The following TGM1 variants were observed in gnomAD, a reference collection of about 807,000 sequenced individuals.
TGM1 encodes the protein transglutaminase 1.
TGM1 carries 63 observed loss-of-function variants against 88.7 expected under a neutral mutation model. The observed-to-expected ratio is 0.71, with a 90% CI of 0.58 to 0.88. The LOEUF is 0.88. TGM1 is among the 40% of genes least tolerant of loss of function. The probability of loss-of-function intolerance (pLI) is 0.00; values close to 1 mark genes in which losing one functional copy is unlikely to be tolerated. For missense variants in TGM1, 996 were observed against 1,118.0 expected (o/e 0.89, Z 1.56); for synonymous variants, 415 against 431.1 (o/e 0.96, Z 0.46).
At chr14:24,250,566 C>G (rs771108011) in intron 14 of TGM1, among the ~76,000 whole-genome samples, 14 of 152,168 alleles carry the variant, frequency 9.2e-5, no homozygotes, top group Non-Finnish European at 1.9e-4. Flanking sequence ...CACAGTCATG[C>G]TTTGCAGTCT....
In TGM1 at chr14:24,256,042, T is replaced by C; in HGVS notation, c.1438A>G (p.Ile480Val). The change falls in exon 10 of 15, where the codon ATC becomes GTC. Residue 480 changes from isoleucine to valine, a missense_variant. Transcript: ENST00000206765. ...TTCATGTAGACCAGGCCATTCTTGATGGACTCCACAGAGCAGGGGCCGCAG... is the reference window on the plus strand; with the variant it reads ...TTCATGTAGACCAGGCCATTCTTGACGGACTCCACAGAGCAGGGGCCGCAG... ...FCCGPCSVES[I>V]KNGLVYMKYD... 1.3e-6 allele frequency: 2 copies of C among 1,571,348 alleles called. No homozygotes were observed. The highest frequency in any genetic ancestry group is 2.3e-5 in the East Asian group (1 of 42,850).
At chr14:24,253,146 CAG>C (rs2040715194) in intron 14 of TGM1, among the ~76,000 whole-genome samples, 1 of 152,232 alleles carries the variant, frequency 6.6e-6, no homozygotes, top group African/African-American at 2.4e-5. Flanking sequence ...GTGGGAAGAG[CAG>C]AGTTTGCCCC....
chr14:24,250,933 G>T (rs913957509), intron 14 of TGM1, among the ~76,000 whole-genome samples: 8 of 152,188 alleles, frequency 5.3e-5, no homozygotes, highest in African/African-American at 1.9e-4. Context: ...CTAAGAGAAT[G>T]AGCCAACATC....
In TGM1 at chr14:24,256,062, C is replaced by A. The variant is rs535121937; in HGVS notation, c.1418G>T (p.Gly473Val). 1.9e-6 allele frequency: 3 copies of A among 1,567,596 alleles called. No homozygotes were observed. The African/African-American group carries it at 4.1e-5, about 21-fold the overall frequency. ...CTTGATGGACTCCACAGAGCAGGGG[C>A]CGCAGCAGAAGATGCCTAGAGAGTG... ...QETSSGIFCC[G>V]PCSVESIKNG... Residue 473 changes from glycine to valine, a missense_variant, in exon 10 of 15, where the codon GGC becomes GTC. Physicochemically the swap from Gly to Val is moderately radical, Grantham distance 109. Coordinates refer to ENST00000206765, the MANE Select transcript of TGM1 (RefSeq NM_000359.3).
At chr14:24,262,803 C>A (rs1310089201) in intron 1 of TGM1, among the ~76,000 whole-genome samples, 1 of 152,212 alleles carries the variant, frequency 6.6e-6, no homozygotes, top group East Asian at 1.9e-4. Context: ...AGCAGAAATC[C>A]CCCAACTCAA....
Position 24,260,642 on chromosome 14 carries a change from C to T in TGM1, c.565G>A (p.Gly189Ser). The change falls in exon 4 of 15, where the codon GGC becomes AGC. Residue 189 changes from glycine (G) to serine (S), a missense_variant. By Grantham distance (56) the Gly-to-Ser change is moderately conservative. Transcript: ENST00000206765. Reference sequence around the variant, plus strand: ...ACCTGGGCTTTCCAGCCTCCACTGCCCCCCTTGCCCACTGGGATGATCACG... The same window carrying T: ...ACCTGGGCTTTCCAGCCTCCACTGCTCCCCTTGCCCACTGGGATGATCACG... ...THVIIPVGKG[G>S]SGGWKAQVVK... 3 of 1,614,178 alleles carry T rather than the reference C, an allele frequency of 1.9e-6. No individual in the cohort carries two copies. The highest frequency in any genetic ancestry group is 8.5e-7 in the Non-Finnish European group (1 of 1,180,034).
rs369636498 is a variant in TGM1 at position 24,260,584 on chromosome 14, C to T, written c.623G>A (p.Arg208Gln). The T allele has an allele frequency of 2.7e-5, 43 of 1,614,212 alleles. No homozygotes were observed. Among genetic ancestry groups the T allele is most frequent in the South Asian group, 1.9e-4 (17 of 91,092 alleles). Reference protein sequence around the residue: ...VKASGQNLNLRVHTSPNAIIG... With the variant: ...VKASGQNLNLQVHTSPNAIIG... ...GATGGCGTTGGGGGAAGTGTGGACC[C>T]GCAGGTTCAGATTCTGCCCACTGGC... The change falls in exon 4 of 15, where the codon CGG (arginine) becomes CAG (glutamine). Residue 208 changes from arginine (R) to glutamine (Q), a missense_variant. By Grantham distance (43) the Arg-to-Gln change is conservative. Coordinates refer to ENST00000206765, the MANE Select transcript of TGM1 (RefSeq NM_000359.3).
intron 14 of TGM1, among the ~76,000 whole-genome samples, chr14:24,249,972 G>C (rs920431326): frequency 6.6e-6 from 1 of 152,148 alleles, no homozygotes; most frequent in African/African-American, 2.4e-5. Flanking sequence ...TTTCAGTTTT[G>C]ACAAGAGCAT....
chr14:24,255,239 G>C lies in TGM1; in HGVS notation c.1660C>G (p.Arg554Gly). 6.2e-7 allele frequency: 1 copy of C among 1,613,756 alleles called. No homozygotes were observed. Among genetic ancestry groups the C allele is most frequent in the South Asian group, 1.1e-5 (1 of 91,080 alleles). Residue 554 changes from arginine to glycine, a missense_variant, in exon 12 of 15, where the codon CGG (arginine) becomes GGG (glycine). Coordinates refer to ENST00000206765, the MANE Select transcript of TGM1 (RefSeq NM_000359.3). This position sits in a 1 kb window ranked among gnomAD's most constrained non-coding sequence, Gnocchi z 4.0. ...GCTGCTGCTGTCTCTACTGCCTTCC[G>C]CTCTGCGTCTGAGCCTGGGGGTTGA... ...YKHPEGSDAE[R>G]KAVETAAAHG...
intron 14 of TGM1, among the ~76,000 whole-genome samples, chr14:24,250,179 T>TGTGAGAGA (rs138497842): frequency 0.04 from 5,566 of 140,702 alleles, 251 homozygotes; most frequent in East Asian, 0.22. Context: ...TGTGTGTGTG[T>TGTGAGAGA]GAGAGAGACA....
rs995860531 is a variant in TGM1 at position 24,256,184 on chromosome 14, G to A, written c.1403-107C>T. 22 of 913,716 alleles carry A rather than the reference G, an allele frequency of 2.4e-5. 1 individual carries two copies. The highest frequency in any genetic ancestry group is 8.4e-5 in the South Asian group (6 of 71,094). 56.6% of individuals were successfully genotyped at this position (913,716 alleles called of 1,614,324 possible). A position where few individuals can be genotyped will look rare whatever the true frequency, so the allele number is the denominator to read the frequency against. On this transcript the variant is annotated intron_variant, in intron 9 of 14. Coordinates refer to ENST00000206765, the MANE Select transcript of TGM1 (RefSeq NM_000359.3). ...GCCCCAGCCCCACCCACTCAGGCCC[G>A]GTCCCACTGCCTGGTGGCCTCTGGA...
rs398122904 is a variant in TGM1, at chr14:24,249,489, G to A, written c.2278C>T (p.Arg760Ter). ...GCAATGAGCTGGCGGGGGCCTGGTC[G>A]CACAGGCACAAACGACTGGCGCAGT... ...VTLRQSFVPV[R>*]PGPRQLIASL... The change falls in exon 15 of 15, where the codon CGA becomes TGA. Residue 760 changes from arginine (R) to a stop codon, truncating the protein, a stop_gained. Coordinates refer to ENST00000206765, the MANE Select transcript of TGM1 (RefSeq NM_000359.3). LOFTEE classifies it high-confidence loss of function. The A allele has an allele frequency of 5.0e-6, 8 of 1,613,922 alleles. No individual in the cohort carries two copies. Among genetic ancestry groups the A allele is most frequent in the African/African-American group, 1.3e-5 (1 of 74,890 alleles).
chr14:24,259,309 G>A lies in TGM1; in HGVS notation c.985-60C>T. ...AGGAGGGGCTCAGGACCTGCCATGT[G>A]GTCCATGGGGACCAGCCGGGCCCCG... On this transcript the variant is annotated intron_variant, in intron 6 of 14. Transcript: ENST00000206765. The surrounding 1 kb of genome is among the most constrained non-coding windows in gnomAD (Gnocchi z 5.7). The A allele has an allele frequency of 1.3e-6, 2 of 1,527,606 alleles. No homozygotes were observed. The highest frequency in any genetic ancestry group is 2.3e-5 in the South Asian group (2 of 85,148). The allele number at this position is 1,527,606 out of a possible 1,614,324, so 94.6% of individuals were successfully genotyped here.
chr14:24,254,753 G>A lies in TGM1; in HGVS notation c.1999C>T (p.Leu667Phe), dbSNP rs778397528. 6.2e-7 allele frequency: 1 copy of A among 1,614,036 alleles called. No homozygotes were observed. Among genetic ancestry groups the A allele is most frequent in the South Asian group, 1.1e-5 (1 of 91,088 alleles). ...TCCTTGACGTGGCCTGAGACATTGA[G>A]CAGCATGGCCCCCTGGTCCACAAGA... ...PHLVDQGAML[L>F]NVSGHVKESG... Residue 667 changes from leucine to phenylalanine, a missense_variant, in exon 13 of 15, where the codon CTC becomes TTC. Leu to Phe is a conservative substitution (Grantham distance 22). Coordinates refer to ENST00000206765, the MANE Select transcript of TGM1 (RefSeq NM_000359.3).
rs565800724 is a variant in TGM1 at position 24,255,924 on chromosome 14, G to A, written c.1491+65C>T. 5.8e-5 allele frequency: 78 copies of A among 1,338,710 alleles called. No individual in the cohort carries two copies. The highest frequency in any genetic ancestry group is 2.8e-4 in the African/African-American group (19 of 68,696). The allele number at this position is 1,338,710 out of a possible 1,614,324, so 82.9% of individuals were successfully genotyped here. On this transcript the variant is annotated intron_variant, in intron 10 of 14. Transcript: ENST00000206765. This position sits in a 1 kb window ranked among gnomAD's most constrained non-coding sequence, Gnocchi z 4.0. ...CGGGTCGCAGAGCTGGTCAGTCAGCGGTGAAGTTGGGACCAGAGAACCCAT... is the reference window on the plus strand; with the variant it reads ...CGGGTCGCAGAGCTGGTCAGTCAGCAGTGAAGTTGGGACCAGAGAACCCAT...
intron 14 of TGM1, among the ~76,000 whole-genome samples, chr14:24,250,875 G>A (rs1402550822): frequency 6.6e-6 from 1 of 152,144 alleles, no homozygotes; most frequent in African/African-American, 2.4e-5. Flanking sequence ...CAAGCCTGCC[G>A]CTGGGGACCC....
chr14:24,249,611 G>T, intron 14 of TGM1, 70 bp from the exon 15 acceptor site: 2 of 1,382,512 alleles, frequency 1.4e-6, no homozygotes, highest in Non-Finnish European at 1.0e-6. Flanking sequence ...GCTGATCCAG[G>T]GCAGTCAGGA....
At position 24,249,197 on chromosome 14, in the gene TGM1, TCCGGGAGCCCTGGACTCC is replaced by T. The variant is rs2040678155; in HGVS notation, c.*98_*115del. ...CTCTCCGGGAGCCCTGGACTCCCCC[TCCGGGAGCCCTGGACTCC>T]CCACCTGAGCTCCTGGGGAGCTGCT... On this transcript the variant is annotated 3_prime_UTR_variant, in exon 15 of 15. Coordinates refer to ENST00000206765, the MANE Select transcript of TGM1 (RefSeq NM_000359.3). 1.6e-5 allele frequency: 3 copies of T among 192,048 alleles called. No homozygotes were observed. The highest frequency in any genetic ancestry group is 2.8e-5 in the Non-Finnish European group (3 of 108,402). 11.9% of individuals were successfully genotyped at this position (192,048 alleles called of 1,614,324 possible). A position where few individuals can be genotyped will look rare whatever the true frequency, so the allele number is the denominator to read the frequency against.
At position 24,249,173 on chromosome 14, in the gene TGM1, TCTCCGGGAGCCCTGGACTCCCC is replaced by T. The variant is rs41294726; in HGVS notation, c.*118_*139del. On this transcript the variant is annotated 3_prime_UTR_variant, in exon 15 of 15. Transcript: ENST00000206765. ...CCAGTGCAAGTGAAGACTGACTCCC[TCTCCGGGAGCCCTGGACTCCCC>T]CTCCGGGAGCCCTGGACTCCCCACC... 1 allele frequency: 758,507 copies of T among 760,186 alleles called. 378,428 individuals carry two copies. The highest frequency in any genetic ancestry group is 1 in the South Asian group (69,932 of 69,942). The allele number at this position is 760,186 out of a possible 1,614,324, so 47.1% of individuals were successfully genotyped here.
Sources: gnomAD v4.1 joint callset for allele counts (sites outside exome capture counted in the v4.1 genomes callset) on GRCh38, gnomAD v4.1.1 for gene constraint, Gnocchi (gnomAD v3.1) non-coding constraint, MANE v1.5 for transcripts, NCBI Gene and HGNC (gene_info 2026-07-23, HGNC 2026-07-21) for gene names.